The following KCNU1 variants were observed in gnomAD, a reference collection of about 807,000 sequenced individuals.
KCNU1 encodes potassium calcium-activated channel subfamily U member 1, also known as potassium channel subfamily U member 1.
Under a neutral mutation model 126.8 loss-of-function variants are expected in KCNU1, and 93 were observed. The observed-to-expected ratio is 0.73, with a 90% CI of 0.62 to 0.87. The LOEUF (loss-of-function observed/expected upper bound fraction) is 0.87. KCNU1 is among the 40% of genes least tolerant of loss of function. The pLI, the probability that KCNU1 is intolerant of heterozygous loss-of-function variation, is 0.00. For synonymous variants in KCNU1, 523 were observed against 494.2 expected, an observed-to-expected ratio of 1.06 and a Z score of -0.77; for missense variants, 1,330 against 1,367.1, an observed-to-expected ratio of 0.97 and a Z score of 0.43.
At chr8:36,855,702 C>A (rs144935932) in intron 18 of KCNU1, among the ~76,000 whole-genome samples, 1 of 151,980 alleles carries the variant, frequency 6.6e-6, no homozygotes, top group East Asian at 1.9e-4. Context: ...ACAAGTTTTG[C>A]CAGTTTATTC....
rs1419167124 is a variant in KCNU1 at position 36,910,975 on chromosome 8, C to T, written c.2377C>T (p.Gln793Ter). The change falls in exon 22 of 27, where the codon CAA (glutamine) becomes TAA (stop). Residue 793 changes from glutamine (Q) to a stop codon, truncating the protein, a stop_gained. Coordinates refer to ENST00000399881, the MANE Select transcript of KCNU1 (RefSeq NM_001031836.3). LOFTEE classifies it high-confidence loss of function. ...SGDLHAANIE[Q>*]CSMCAVLSPP... ...AGACCTCCATGCGGCCAACATAGAG[C>T]AATGCTCCATGTGTGCTGTCTTGTC... The T allele has an allele frequency of 6.2e-7, 1 of 1,613,478 alleles. No homozygotes were observed. The highest frequency in any genetic ancestry group is 2.2e-5 in the East Asian group (1 of 44,870).
intron 19 of KCNU1, among the ~76,000 whole-genome samples, chr8:36,868,514 A>G (rs2117354329): frequency 6.6e-6 from 1 of 152,244 alleles, no homozygotes; most frequent in Admixed American, 6.5e-5. Flanking sequence ...ATTTTTAAAG[A>G]TGTAATCTTC....
chr8:36,865,872 T>C (rs1020657813), intron 19 of KCNU1, among the ~76,000 whole-genome samples: 1 of 151,868 alleles, frequency 6.6e-6, no homozygotes, highest in Non-Finnish European at 1.5e-5. Context: ...ATTCCTCCAT[T>C]TGCAGCAACA....
At chr8:36,832,064 T>C (rs1333349189) in intron 10 of KCNU1, among the ~76,000 whole-genome samples, 2 of 152,374 alleles carry the variant, frequency 1.3e-5, no homozygotes, top group Non-Finnish European at 2.9e-5. Context: ...AAAGATCAGA[T>C]AGTTGCAGAT....
chr8:36,810,029 G>T lies in KCNU1; in HGVS notation c.732+1236G>T, dbSNP rs149501751. 2.1e-3 allele frequency among the ~76,000 whole-genome samples: 320 copies of T among 152,166 alleles called. 1 individual carries two copies. Among genetic ancestry groups the T allele is most frequent in the African/African-American group, 7.4e-3 (308 of 41,512 alleles). ...ACAGCCATAGCTGAAGAATAGCTTC[G>T]GATCACGAGGTCGAGAGATCAAGAC... On this transcript the variant is annotated intron_variant, in intron 7 of 26. Transcript: ENST00000399881.
chr8:36,842,429 G>T (rs1455464611), intron 16 of KCNU1, among the ~76,000 whole-genome samples: 3 of 152,138 alleles, frequency 2.0e-5, no homozygotes, highest in Non-Finnish European at 4.4e-5. Flanking sequence ...GTATTGTCTG[G>T]CTGCCTAAGT....
intron 2 of KCNU1, among the ~76,000 whole-genome samples, chr8:36,792,220 G>A (rs1041433785): frequency 2.0e-5 from 3 of 152,262 alleles, no homozygotes; most frequent in East Asian, 1.9e-4. Flanking sequence ...TCAAAGCTCT[G>A]CAAGTTCTCA....
intron 19 of KCNU1, among the ~76,000 whole-genome samples, chr8:36,895,867 G>T (rs1717367533): frequency 1.3e-5 from 2 of 152,078 alleles, no homozygotes; most frequent in Admixed American, 1.3e-4. Context: ...AATATCAAAA[G>T]AAGAATCTAA....
chr8:36,839,429 G>A (rs1243350528), intron 14 of KCNU1, among the ~76,000 whole-genome samples: 1 of 152,112 alleles, frequency 6.6e-6, no homozygotes, highest in Non-Finnish European at 1.5e-5. Context: ...TTAGTTATTG[G>A]AAATTAGTGG....
intron 19 of KCNU1, among the ~76,000 whole-genome samples, chr8:36,872,021 T>A: frequency 6.6e-6 from 1 of 152,084 alleles, no homozygotes; most frequent in Non-Finnish European, 1.5e-5. Flanking sequence ...ACTTGCATAG[T>A]TTCCAAGAAA....
At chr8:36,889,387 AT>A in intron 19 of KCNU1, 1 of 384,474 alleles carries the variant, frequency 2.6e-6, no homozygotes, top group Non-Finnish European at 5.3e-6. Context: ...AACACCAGAG[AT>A]TAAGACAAAT....
rs746597517 is a variant in KCNU1, at chr8:36,918,807, C to T, written c.2522-16C>T. 1 of 1,537,758 alleles carries T rather than the reference C, an allele frequency of 6.5e-7. No homozygotes were observed. ...GGCATTGTGTTTGCATTTATCACCT[C>T]TTTTCTTCTTTGCAGAGGAGACTCC... On this transcript the variant is annotated splice_polypyrimidine_tract_variant and intron_variant, in intron 22 of 26. Coordinates refer to ENST00000399881, the MANE Select transcript of KCNU1 (RefSeq NM_001031836.3).
chr8:36,903,426 A>G (rs1807497738), intron 19 of KCNU1, among the ~76,000 whole-genome samples: 1 of 152,188 alleles, frequency 6.6e-6, no homozygotes, highest in Non-Finnish European at 1.5e-5. Context: ...CATTGTTATC[A>G]GTTACATCTG....
chr8:36,805,299 G>C lies in KCNU1; in HGVS notation c.468+14G>C, dbSNP rs778139426. On this transcript the variant is annotated intron_variant, in intron 4 of 26. Coordinates refer to ENST00000399881, the MANE Select transcript of KCNU1 (RefSeq NM_001031836.3). ...TTTGGATTGAGGGTAAGTACCTATT[G>C]AAAGTGGGAGTGAATATCCAAACAC... 18 of 1,472,102 alleles carry C rather than the reference G, an allele frequency of 1.2e-5. No individual in the cohort carries two copies. The South Asian group carries it at 2.0e-4, about 16-fold the overall frequency. 91.2% of individuals were successfully genotyped at this position (1,472,102 alleles called of 1,614,324 possible). A position where few individuals can be genotyped will look rare whatever the true frequency, so the allele number is the denominator to read the frequency against.
chr8:36,805,530 T>A (rs961549118), intron 4 of KCNU1, among the ~76,000 whole-genome samples: 2 of 152,196 alleles, frequency 1.3e-5, no homozygotes, highest in Admixed American at 1.3e-4. Context: ...GCCATCATCG[T>A]GTTCCCATGG....
chr8:36,851,231 A>G (rs181709578), intron 18 of KCNU1, among the ~76,000 whole-genome samples: 2 of 152,218 alleles, frequency 1.3e-5, no homozygotes, highest in East Asian at 3.9e-4. Context: ...TCCCCACCCA[A>G]ATCTCATCTT....
chr8:36,787,142 C>T (rs566332623), intron 1 of KCNU1, among the ~76,000 whole-genome samples, 164 bp from the exon 2 acceptor site: 3 of 152,200 alleles, frequency 2.0e-5, no homozygotes, highest in Admixed American at 6.5e-5. Context: ...CAGTAAAATC[C>T]GTTTTATGAA....
chr8:36,840,373 T>A, intron 14 of KCNU1, 90 bp from the exon 15 acceptor site: 1 of 659,696 alleles, frequency 1.5e-6, no homozygotes, highest in African/African-American at 1.8e-5. Context: ...CAATGAAGAC[T>A]TGTTTGTGCT....
At chr8:36,844,144 C>G (rs1055939588) in intron 16 of KCNU1, among the ~76,000 whole-genome samples, 2 of 152,140 alleles carry the variant, frequency 1.3e-5, no homozygotes, top group African/African-American at 4.8e-5. Flanking sequence ...TTTGGGAGGC[C>G]GAAGCAGGTG....
Sources: allele counts gnomAD v4.1 joint callset (sites outside exome capture counted in the v4.1 genomes callset), GRCh38; gene constraint gnomAD v4.1.1; transcripts MANE v1.5; gene names NCBI Gene and HGNC (gene_info 2026-07-23, HGNC 2026-07-21).